OTOA: variants seen among roughly 807,000 people sequenced by gnomAD.
The protein encoded by OTOA is cancer/testis antigen 108.
In OTOA, 70 loss-of-function variants were observed where a neutral mutation model predicts 110.8. That is an observed-to-expected ratio of 0.63 (90% CI 0.52 to 0.77). OTOA has a LOEUF of 0.77. Among genes scored for constraint, OTOA ranks in the 30% least tolerant of loss-of-function variants. OTOA has a pLI of 0.00. For synonymous variants in OTOA, 373 were observed against 431.5 expected, an observed-to-expected ratio of 0.86 and a Z score of 1.68; for missense variants, 917 against 1,075.8, an observed-to-expected ratio of 0.85 and a Z score of 2.06.
rs149155735 is a variant in OTOA, at chr16:21,669,579, C to T, written c.-5+5347C>T. On this transcript the variant is annotated intron_variant, in intron 1 of 28. Coordinates refer to ENST00000646100, the MANE Select transcript of OTOA (RefSeq NM_144672.4). ...TAAACTTGGAACTCCTATGGTTTTC[C>T]CATCTCCCTCTCTACATGCTCAGGC... Among the ~76,000 whole-genome samples, 472 of 152,200 alleles carry T rather than the reference C, an allele frequency of 3.1e-3. 8 individuals carry two copies. Among genetic ancestry groups the T allele is most frequent in the Non-Finnish European group, 3.3e-3 (224 of 68,004 alleles).
chr16:21,709,631 A>G (rs1475349179), intron 12 of OTOA, among the ~76,000 whole-genome samples: 1 of 152,160 alleles, frequency 6.6e-6, no homozygotes, highest in Admixed American at 6.5e-5. Flanking sequence ...TTGATTTAAT[A>G]ACAAATTAAT....
chr16:21,674,175 G>A (rs577861261), intron 1 of OTOA, among the ~76,000 whole-genome samples: 10 of 152,262 alleles, frequency 6.6e-5, no homozygotes, highest in South Asian at 6.2e-4. Flanking sequence ...TGGGCTGTAC[G>A]TTAAGTACAC....
Position 21,691,798 on chromosome 16 carries a change from A to T in OTOA, c.739+111A>T. The T allele has an allele frequency of 3.0e-6, 3 of 990,678 alleles. No homozygotes were observed. The South Asian group carries it at 4.1e-5, about 14-fold the overall frequency. The allele number at this position is 990,678 out of a possible 1,614,324, so 61.4% of individuals were successfully genotyped here. A position where few individuals can be genotyped will look rare whatever the true frequency, so the allele number is the denominator to read the frequency against. On this transcript the variant is annotated intron_variant, in intron 9 of 28. Coordinates refer to ENST00000646100, the MANE Select transcript of OTOA (RefSeq NM_144672.4). Reference sequence around the variant, plus strand: ...ATGTTGTTCTCTTCTGATTTTTACCACCTCCCACTGCTTCGAAAAACAGTT... The same window carrying T: ...ATGTTGTTCTCTTCTGATTTTTACCTCCTCCCACTGCTTCGAAAAACAGTT...
At chr16:21,682,500 A>G (rs545658378) in intron 6 of OTOA, among the ~76,000 whole-genome samples, 7 of 152,336 alleles carry the variant, frequency 4.6e-5, no homozygotes, top group Non-Finnish European at 1.0e-4. Flanking sequence ...GGTCCAAGAA[A>G]TGTACTACTG....
At chr16:21,730,975 G>A (rs1337928523) in intron 21 of OTOA, 45 bp downstream of exon 21, 10 of 1,137,020 alleles carry the variant, frequency 8.8e-6, no homozygotes, top group South Asian at 1.3e-5. Context: ...AGTTTGAAGG[G>A]GAGAGAAAGT....
At chr16:21,705,596 G>T (rs941880830) in intron 12 of OTOA, among the ~76,000 whole-genome samples, 1 of 152,106 alleles carries the variant, frequency 6.6e-6, no homozygotes, top group African/African-American at 2.4e-5. Context: ...GATCATTTGA[G>T]GCCAGGAGTT....
At chr16:21,714,957 C>A (rs1342884826) in intron 13 of OTOA, 28 bp from the exon 14 acceptor site, 1 of 1,613,546 alleles carries the variant, frequency 6.2e-7, no homozygotes, top group Non-Finnish European at 8.5e-7. Flanking sequence ...GGGAGCAGAG[C>A]CTGACTGCGC....
intron 18 of OTOA, among the ~76,000 whole-genome samples, chr16:21,724,978 G>A (rs1038034242): frequency 4.0e-5 from 6 of 151,810 alleles, no homozygotes; most frequent in African/African-American, 9.7e-5. Flanking sequence ...GGGTTTCACC[G>A]TGATGGCCAG....
At position 21,691,611 on chromosome 16, in the gene OTOA, C is replaced by T. The variant is rs1053519576; in HGVS notation, c.663C>T (p.Asp221=). The T allele has an allele frequency of 2.1e-5, 34 of 1,613,794 alleles. No homozygotes were observed. The highest frequency in any genetic ancestry group is 4.0e-5 in the African/African-American group (3 of 74,876). ...NLSAVFKDLY[D]KTSAHSQRAL... ...CTGCAGTGTTCAAAGATCTCTACGA[C>T]AAAACCTCGGCTCATTCCCAGAGAG... Residue 221 remains aspartate (D), a synonymous_variant, in exon 9 of 29, where the codon GAC becomes GAT. Coordinates refer to ENST00000646100, the MANE Select transcript of OTOA (RefSeq NM_144672.4).
intron 9 of OTOA, among the ~76,000 whole-genome samples, chr16:21,692,185 G>A (rs150584): frequency 0.91 from 138,378 of 152,068 alleles, 63,544 homozygotes; most frequent in Non-Finnish European, 0.99. Context: ...AGATTAACCG[G>A]GCGTGGTGGC....
Position 21,691,591 on chromosome 16 carries a change from GT to G in OTOA, c.644del (p.Val215GlyfsTer21). On this transcript the variant is annotated frameshift_variant, in exon 9 of 29. Transcript: ENST00000646100. LOFTEE classifies it high-confidence loss of function. The stretch of plus-strand genomic sequence containing the variant: ...TGTGTTTGTGTCATTTAGATCTGCA[GT>G]GTTCAAAGATCTCTACGACAAAACC... ...REDAFKNLSAVFKDLYDKTSA... is the reference protein window; with the variant it reads ...REDAFKNLSAXFKDLYDKTSA... The G allele has an allele frequency of 6.2e-7, 1 of 1,612,918 alleles. No homozygotes were observed. Among genetic ancestry groups the G allele is most frequent in the Non-Finnish European group, 8.5e-7 (1 of 1,178,982 alleles).
At chr16:21,674,770 T>A in intron 1 of OTOA, among the ~76,000 whole-genome samples, 1 of 151,918 alleles carries the variant, frequency 6.6e-6, no homozygotes, top group East Asian at 1.9e-4. Flanking sequence ...TATATATACT[T>A]TGATGATATA....
chr16:21,697,971 G>A, intron 10 of OTOA, 96 bp downstream of exon 10: 2 of 1,124,622 alleles, frequency 1.8e-6, no homozygotes, highest in South Asian at 1.3e-5. Context: ...CAGTCAAGGT[G>A]CCTTGGAAAT....
At chr16:21,685,650 C>T (rs1897699301) in intron 7 of OTOA, among the ~76,000 whole-genome samples, 1 of 151,978 alleles carries the variant, frequency 6.6e-6, no homozygotes, top group South Asian at 2.1e-4. Flanking sequence ...GTAACTTCTG[C>T]CTCCTGGGTT....
rs200208910 is a variant in OTOA, at chr16:21,686,977, C to T, written c.400-436C>T. ...GAGAACCACGGGCTTGGAGGAAAGA[C>T]GCATGAGTCCCTTTAATGCATTATA... is the stretch of plus-strand genomic sequence containing the variant. On this transcript the variant is annotated intron_variant, in intron 7 of 28. Coordinates refer to ENST00000646100, the MANE Select transcript of OTOA (RefSeq NM_144672.4). Among the ~76,000 whole-genome samples the T allele has an allele frequency of 9.9e-5, 15 of 152,136 alleles. No individual in the cohort carries two copies. In the East Asian group the frequency reaches 2.1e-3, roughly 22 times the overall value.
intron 12 of OTOA, among the ~76,000 whole-genome samples, chr16:21,708,806 T>G (rs529758169): frequency 6.6e-6 from 1 of 152,336 alleles, no homozygotes; most frequent in African/African-American, 2.4e-5. Flanking sequence ...GAACCATTCT[T>G]GTTTTTTGTT....
chr16:21,702,229 C>T (rs541355101), intron 11 of OTOA, among the ~76,000 whole-genome samples: 3 of 152,280 alleles, frequency 2.0e-5, no homozygotes, highest in East Asian at 3.9e-4. Flanking sequence ...AGATTACAGG[C>T]GTGAGCCACT....
intron 10 of OTOA, among the ~76,000 whole-genome samples, chr16:21,700,633 G>A (rs1490715875): frequency 6.6e-6 from 1 of 150,962 alleles, no homozygotes; most frequent in Non-Finnish European, 1.5e-5. Flanking sequence ...GCTGAGGCAG[G>A]AGAATTGCTT....
At position 21,702,324 on chromosome 16, in the gene OTOA, G is replaced by A. The variant is rs1291775434; in HGVS notation, c.980+1297G>A. ...CTGCTCCCATCCCATATTACCTTAAGGTTTTTCAAATGAGCCACTCTTAGG... is the reference window on the plus strand; with the variant it reads ...CTGCTCCCATCCCATATTACCTTAAAGTTTTTCAAATGAGCCACTCTTAGG... On this transcript the variant is annotated intron_variant, in intron 11 of 28. Coordinates refer to ENST00000646100, the MANE Select transcript of OTOA (RefSeq NM_144672.4). 3.3e-5 allele frequency among the ~76,000 whole-genome samples: 5 copies of A among 152,032 alleles called. No homozygotes were observed. In the East Asian group the frequency reaches 5.8e-4, roughly 18 times the overall value.
Sources: gnomAD v4.1 joint callset for allele counts (sites outside exome capture counted in the v4.1 genomes callset) on GRCh38, gnomAD v4.1.1 for gene constraint, MANE v1.5 for transcripts, NCBI Gene and HGNC (gene_info 2026-07-23, HGNC 2026-07-21) for gene names.